Variants in CHD9 observed in about 807,000 individuals in gnomAD.
CHD9 encodes chromodomain helicase DNA binding protein 9.
CHD9 carries 77 observed loss-of-function variants against 316.1 expected under a neutral mutation model. The observed-to-expected ratio is 0.24, with a 90% confidence interval of 0.20 to 0.29. CHD9 has a LOEUF of 0.29. CHD9 is among the 10% of genes least tolerant of loss of function. The pLI is 1.00. For missense variants in CHD9, 2,763 were observed against 3,438.1 expected (o/e 0.80, Z 4.91); for synonymous variants, 1,129 against 1,158.3 (o/e 0.97, Z 0.51).
chr16:53,056,829 C>A (rs1383888802), intron 1 of CHD9, among the ~76,000 whole-genome samples: 1 of 152,178 alleles, frequency 6.6e-6, no homozygotes, highest in Non-Finnish European at 1.5e-5. Context: ...ATGAGAGAAA[C>A]AGGAAGAAAG....
chr16:53,314,321 TCA>T (rs1397449909), intron 34 of CHD9, 54 bp from the exon 35 acceptor site: 2 of 1,271,742 alleles, frequency 1.6e-6, no homozygotes, highest in South Asian at 3.0e-5. Context: ...GGGATTACTT[TCA>T]GTTTGTTTAA....
intron 1 of CHD9, chr16:53,131,332 C>CGCT (rs1357390532): frequency 1.6e-3 from 234 of 142,696 alleles, no homozygotes; most frequent in Middle Eastern, 6.6e-3. Context: ...CCGCCGCCGC[C>CGCT]GCTGCTCGGC....
At chr16:53,313,695 A>C (rs910772197) in intron 34 of CHD9, among the ~76,000 whole-genome samples, 1 of 139,864 alleles carries the variant, frequency 7.1e-6, no homozygotes, top group East Asian at 2.1e-4. Context: ...CTGTAATCCT[A>C]GCACTTTGGG....
Position 53,125,142 on chromosome 16 carries a change from G to C in CHD9, c.-164-30784G>C, listed in dbSNP as rs143658446. ...TTATGTCTTTGTTGTTTAGTTGTAA[G>C]TGCTCTTTATATATTCTGTACACTA... On this transcript the variant is annotated intron_variant, in intron 1 of 38. Coordinates refer to ENST00000447540, the MANE Select transcript of CHD9 (RefSeq NM_001308319.2). 3.0e-3 allele frequency among the ~76,000 whole-genome samples: 453 copies of C among 151,402 alleles called. 4 individuals carry two copies. The highest frequency in any genetic ancestry group is 0.011 in the African/African-American group (434 of 41,288).
chr16:53,070,745 G>T (rs1596873937), intron 1 of CHD9, among the ~76,000 whole-genome samples: 1 of 152,248 alleles, frequency 6.6e-6, no homozygotes. Context: ...GTAGAAACAA[G>T]ATTTCACCAT....
chr16:53,112,728 A>C (rs1004894478), intron 1 of CHD9, among the ~76,000 whole-genome samples: 1 of 152,202 alleles, frequency 6.6e-6, no homozygotes, highest in Non-Finnish European at 1.5e-5. Flanking sequence ...AGAAACAGCA[A>C]CAAGGCCAGG....
intron 1 of CHD9, among the ~76,000 whole-genome samples, chr16:53,090,855 G>A (rs1037759837): frequency 1.3e-5 from 2 of 152,176 alleles, no homozygotes; most frequent in African/African-American, 4.8e-5. Context: ...TGTCCCAGCA[G>A]AGTCTGGCTC....
At chr16:53,266,973 A>T (rs902772202) in intron 20 of CHD9, among the ~76,000 whole-genome samples, 4 of 152,224 alleles carry the variant, frequency 2.6e-5, no homozygotes. Context: ...AATCTAAATT[A>T]TGAATTAGGT....
At chr16:53,225,404 A>C (rs954080366) in intron 4 of CHD9, among the ~76,000 whole-genome samples, 2 of 152,198 alleles carry the variant, frequency 1.3e-5, no homozygotes, top group Admixed American at 1.3e-4. Flanking sequence ...AGGGAAATTT[A>C]AAAAATAAAC....
intron 2 of CHD9, among the ~76,000 whole-genome samples, chr16:53,165,472 A>G (rs1357520386): frequency 6.6e-6 from 1 of 152,050 alleles, no homozygotes; most frequent in Non-Finnish European, 1.5e-5. Context: ...CATTTCCCCC[A>G]CCCCAGAAGG....
intron 2 of CHD9, among the ~76,000 whole-genome samples, chr16:53,195,739 TAAAAC>T (rs1280755847): frequency 6.7e-6 from 1 of 150,288 alleles, no homozygotes; most frequent in Non-Finnish European, 1.5e-5. Context: ...TTGTAAGAAA[TAAAAC>T]AGAGAGATTC....
intron 3 of CHD9, among the ~76,000 whole-genome samples, chr16:53,213,440 T>A (rs2046487607): frequency 6.6e-6 from 1 of 152,166 alleles, no homozygotes; most frequent in Non-Finnish European, 1.5e-5. Context: ...GCTCCATGAA[T>A]GGAATGGGAT....
chr16:53,221,867 G>A (rs1405988538), intron 3 of CHD9, among the ~76,000 whole-genome samples: 1 of 151,982 alleles, frequency 6.6e-6, no homozygotes, highest in African/African-American at 2.4e-5. Flanking sequence ...TAACGAATAG[G>A]GGGATTCAAG....
intron 2 of CHD9, chr16:53,208,242 TC>T (rs1349053785): frequency 8.3e-7 from 1 of 1,210,934 alleles, no homozygotes. Context: ...TTAGGAATCT[TC>T]TTTCAATGCT....
intron 18 of CHD9, 92 bp from the exon 19 acceptor site, chr16:53,255,508 G>T (rs920800819): frequency 6.6e-5 from 73 of 1,110,486 alleles, no homozygotes; most frequent in Middle Eastern, 4.3e-4. Context: ...GTTTAAGCAT[G>T]CCTCTTGTGT....
At chr16:53,097,904 T>A (rs535387032) in intron 1 of CHD9, among the ~76,000 whole-genome samples, 6 of 149,314 alleles carry the variant, frequency 4.0e-5, no homozygotes, top group Admixed American at 4.0e-4. Flanking sequence ...TGGATGACCT[T>A]AGGTCAGGAG....
chr16:53,076,754 C>T lies in CHD9; in HGVS notation c.-165+21677C>T, dbSNP rs538490203. 2.7e-3 allele frequency among the ~76,000 whole-genome samples: 412 copies of T among 151,680 alleles called. 2 individuals carry two copies. The highest frequency in any genetic ancestry group is 9.0e-3 in the African/African-American group (371 of 41,384). On this transcript the variant is annotated intron_variant, in intron 1 of 38. Transcript: ENST00000447540. ...TGCCACTGCACTCCAGCCTGGGCAA[C>T]AGAGTGAGACTCTATCTCAAAAACA...
At position 53,070,532 on chromosome 16, in the gene CHD9, CCT is replaced by C. The variant is rs113097253; in HGVS notation, c.-165+15476_-165+15477del. On this transcript the variant is annotated intron_variant, in intron 1 of 38. Coordinates refer to ENST00000447540, the MANE Select transcript of CHD9 (RefSeq NM_001308319.2). ...TCCTTCCTTCCTTCCTTCCTTCCTT[CCT>C]CTCTCTCTCTCTCTCTCTCTTTCTT... 0.015 allele frequency among the ~76,000 whole-genome samples: 312 copies of C among 20,304 alleles called. 2 individuals carry two copies. The Middle Eastern group carries it at 0.16, about 10-fold the overall frequency. 13.3% of individuals were successfully genotyped at this position (20,304 alleles called of 152,430 possible).
intron 31 of CHD9, among the ~76,000 whole-genome samples, chr16:53,305,792 C>T (rs530098384): frequency 6.6e-6 from 1 of 152,288 alleles, no homozygotes; most frequent in East Asian, 1.9e-4. Flanking sequence ...ATAGGCATAA[C>T]TTTCGGGGTT....
Sources: gnomAD v4.1 joint callset for allele counts (sites outside exome capture counted in the v4.1 genomes callset) on GRCh38, gnomAD v4.1.1 for gene constraint, MANE v1.5 for transcripts, NCBI Gene and HGNC (gene_info 2026-07-23, HGNC 2026-07-21) for gene names.